Variants in TMED8 observed in about 807,000 individuals in gnomAD.
The protein encoded by TMED8 is transmembrane p24 trafficking protein family member 8.
Under a neutral mutation model 32.7 loss-of-function variants are expected in TMED8, and 15 were observed. That is an observed-to-expected ratio of 0.46 (90% confidence interval 0.31 to 0.71). The LOEUF (loss-of-function observed/expected upper bound fraction) is 0.71. Ranked by LOEUF, TMED8 falls within the 30% of genes least tolerant of loss-of-function variation. The probability of loss-of-function intolerance (pLI) is 0.06; values close to 1 mark genes in which losing one functional copy is unlikely to be tolerated. For synonymous variants in TMED8, 147 were observed against 161.4 expected (o/e 0.91, Z 0.68); for missense variants, 390 against 423.9 (o/e 0.92, Z 0.70).
At chr14:77,353,744 AG>A (rs936156286) in intron 1 of TMED8, among the ~76,000 whole-genome samples, 1 of 151,930 alleles carries the variant, frequency 6.6e-6, no homozygotes, top group Admixed American at 6.6e-5. Flanking sequence ...TACAGGCGTG[AG>A]CCACTGTGCC....
In TMED8 at chr14:77,343,834, G is replaced by C. The variant is rs775594095; in HGVS notation, c.328-11C>G. Reference sequence around the variant, plus strand: ...TTGATACTTAGCCATCTGCACAACAGAACTCTGGTTAAAGGAGTATTCGAG... The same window carrying C: ...TTGATACTTAGCCATCTGCACAACACAACTCTGGTTAAAGGAGTATTCGAG... On this transcript the variant is annotated splice_polypyrimidine_tract_variant and intron_variant, in intron 3 of 5. Transcript: ENST00000216468. The C allele has an allele frequency of 1.9e-6, 3 of 1,611,312 alleles. No homozygotes were observed. The highest frequency in any genetic ancestry group is 2.5e-6 in the Non-Finnish European group (3 of 1,178,452).
intron 1 of TMED8, among the ~76,000 whole-genome samples, chr14:77,370,790 AAAAATGGGCATGCTTAGGC>A (rs2139637596): frequency 6.6e-6 from 1 of 151,832 alleles, no homozygotes; most frequent in African/African-American, 2.4e-5. Flanking sequence ...TTTTTACACA[AAAAATGGGCATGCTTAGGC>A]GTGGTGGTGC....
chr14:77,359,430 C>A, intron 1 of TMED8: 1 of 231,392 alleles, frequency 4.3e-6, no homozygotes, highest in Non-Finnish European at 8.8e-6. Context: ...CAGATGTCTC[C>A]CAGTAATGTC....
chr14:77,359,967 T>C (rs1015130403), intron 1 of TMED8: 11 of 159,244 alleles, frequency 6.9e-5, no homozygotes, highest in Admixed American at 1.9e-4. Context: ...CATTCCAAGA[T>C]TGGAACTCCA....
At chr14:77,358,026 A>G (rs1893330205) in intron 1 of TMED8, among the ~76,000 whole-genome samples, 1 of 148,550 alleles carries the variant, frequency 6.7e-6, no homozygotes, top group Non-Finnish European at 1.5e-5. Context: ...TGGGAAGCTG[A>G]GGCATGAGAA....
chr14:77,362,022 T>C (rs1341128382), intron 1 of TMED8, among the ~76,000 whole-genome samples: 1 of 152,212 alleles, frequency 6.6e-6, no homozygotes, highest in Non-Finnish European at 1.5e-5. Flanking sequence ...GATAGGTTGT[T>C]ACTGTGTACA....
Position 77,343,829 on chromosome 14 carries a change from C to T in TMED8, c.328-6G>A. 1 of 1,611,688 alleles carries T rather than the reference C, an allele frequency of 6.2e-7. No individual in the cohort carries two copies. The highest frequency in any genetic ancestry group is 8.5e-7 in the Non-Finnish European group (1 of 1,178,758). ...GGAACTTGATACTTAGCCATCTGCA[C>T]AACAGAACTCTGGTTAAAGGAGTAT... On this transcript the variant is annotated splice_polypyrimidine_tract_variant and splice_region_variant and intron_variant, in intron 3 of 5. Coordinates refer to ENST00000216468, the MANE Select transcript of TMED8 (RefSeq NM_213601.3).
intron 1 of TMED8, among the ~76,000 whole-genome samples, chr14:77,356,078 T>C (rs1167364869): frequency 6.6e-6 from 1 of 152,220 alleles, no homozygotes; most frequent in Non-Finnish European, 1.5e-5. Context: ...GAGGCTACTT[T>C]GTAACACCAT....
chr14:77,358,363 G>A (rs992524208), intron 1 of TMED8, among the ~76,000 whole-genome samples: 7 of 151,386 alleles, frequency 4.6e-5, no homozygotes, highest in African/African-American at 7.3e-5. Flanking sequence ...GTGCAGTGGC[G>A]CAATCTCTGC....
intron 1 of TMED8, among the ~76,000 whole-genome samples, chr14:77,372,952 A>ATATATATTTTT (rs1555360928): frequency 7.0e-5 from 1 of 14,308 alleles, no homozygotes; most frequent in Non-Finnish European, 1.1e-4. Flanking sequence ...ATATATATAT[A>ATATATATTTTT]TTTTTTTTTT....
In TMED8 at chr14:77,336,725, T is replaced by C. The variant is rs748425535; in HGVS notation, c.*5046A>G. The C allele has an allele frequency of 1.3e-5, 2 of 151,924 alleles. No individual in the cohort carries two copies. Among genetic ancestry groups the C allele is most frequent in the African/African-American group, 2.4e-5 (1 of 41,364 alleles). The allele number at this position is 151,924 out of a possible 1,614,324, so 9.4% of individuals were successfully genotyped here. ...AGTTCTCAAGCAGCACAAAACGGTG[T>C]AACTTATGCCCCTCCCTTATGCTCC... On this transcript the variant is annotated 3_prime_UTR_variant, in exon 6 of 6. Coordinates refer to ENST00000216468, the MANE Select transcript of TMED8 (RefSeq NM_213601.3).
intron 1 of TMED8, among the ~76,000 whole-genome samples, chr14:77,363,350 C>G (rs1893480153): frequency 6.6e-6 from 1 of 152,100 alleles, no homozygotes; most frequent in African/African-American, 2.4e-5. Context: ...ACAACCTGCT[C>G]CTGAACAACC....
In TMED8 at chr14:77,343,182, A is replaced by C; in HGVS notation, c.756T>G (p.Ile252Met). The C allele has an allele frequency of 6.2e-7, 1 of 1,611,644 alleles. No homozygotes were observed. Among genetic ancestry groups the C allele is most frequent in the Non-Finnish European group, 8.5e-7 (1 of 1,178,158 alleles). The change falls in exon 5 of 6, where the codon ATT (isoleucine) becomes ATG (methionine). Residue 252 changes from isoleucine to methionine, a missense_variant. Transcript: ENST00000216468. ...TTAGGTTAAAATTAAATTTACCTTC[A>C]ATCTCTTCCTCCTCTTCCTCTTCTT... ...EDEEEEEEEE[I>M]EEPVPAGDVE...
intron 3 of TMED8, among the ~76,000 whole-genome samples, chr14:77,344,135 A>G (rs185473793): frequency 3.9e-5 from 6 of 152,292 alleles, no homozygotes; most frequent in African/African-American, 1.4e-4. Context: ...ATTTGCATTG[A>G]CTGTGATTCT....
rs543273457 is a variant in TMED8, at chr14:77,369,613, A to G, written c.118+7323T>C. Among the ~76,000 whole-genome samples the G allele has an allele frequency of 3.9e-5, 6 of 152,276 alleles. 1 individual carries two copies. In the South Asian group the frequency reaches 1.2e-3, roughly 32 times the overall value. The stretch of plus-strand genomic sequence containing the variant: ...TTCCCCACTCAGGAATCCAGCATGT[A>G]CCCTCAGGAGACAAAAGAGCCCCAA... On this transcript the variant is annotated intron_variant, in intron 1 of 5. Coordinates refer to ENST00000216468, the MANE Select transcript of TMED8 (RefSeq NM_213601.3).
intron 3 of TMED8, among the ~76,000 whole-genome samples, chr14:77,344,152 T>G (rs189802472): frequency 2.6e-5 from 4 of 152,366 alleles, no homozygotes; most frequent in Admixed American, 6.5e-5. Context: ...TTCTGGGCCA[T>G]GCCTTGGTCT....
intron 1 of TMED8, among the ~76,000 whole-genome samples, chr14:77,365,414 G>A (rs1017254905): frequency 8.5e-5 from 13 of 152,130 alleles, no homozygotes; most frequent in Non-Finnish European, 1.6e-4. Flanking sequence ...TACACATATA[G>A]TTAACTAATT....
In TMED8 at chr14:77,339,099, T is replaced by G. The variant is rs1409969815; in HGVS notation, c.*2672A>C. ...AGGGGCTGAGGAAATGACTGTCTCT[T>G]AGAATTTGCTGGGCTGTGGGTTCTC... On this transcript the variant is annotated 3_prime_UTR_variant, in exon 6 of 6. Transcript: ENST00000216468. The G allele has an allele frequency of 6.6e-6, 1 of 152,246 alleles. No homozygotes were observed. The highest frequency in any genetic ancestry group is 1.5e-5 in the Non-Finnish European group (1 of 68,044). The allele number at this position is 152,246 out of a possible 1,614,324, so 9.4% of individuals were successfully genotyped here.
At chr14:77,351,641 A>C in intron 2 of TMED8, 32 bp downstream of exon 2, 1 of 1,573,264 alleles carries the variant, frequency 6.4e-7, no homozygotes, top group Non-Finnish European at 8.7e-7. Flanking sequence ...AGAAGATAAA[A>C]CCTGTGAAAG....
Sources: gnomAD v4.1 joint callset for allele counts (sites outside exome capture counted in the v4.1 genomes callset) on GRCh38, gnomAD v4.1.1 for gene constraint, MANE v1.5 for transcripts, NCBI Gene and HGNC (gene_info 2026-07-23, HGNC 2026-07-21) for gene names.